FBXL7: variants seen among roughly 807,000 people sequenced by gnomAD.
FBXL7 encodes F-box and leucine rich repeat protein 7.
A neutral mutation model predicts 38.3 loss-of-function variants in FBXL7; 12 were observed. That is an observed-to-expected ratio of 0.31 (90% confidence interval 0.20 to 0.51). The LOEUF is 0.51. Ranked by LOEUF, FBXL7 falls within the 20% of genes least tolerant of loss-of-function variation. FBXL7 has a pLI of 0.98. For missense variants in FBXL7, 567 were observed against 676.4 expected (o/e 0.84, Z 1.79); for synonymous variants, 297 against 300.9 (o/e 0.99, Z 0.13).
chr5:15,522,475 T>C (rs1296733309), intron 1 of FBXL7, among the ~76,000 whole-genome samples: 1 of 152,180 alleles, frequency 6.6e-6, no homozygotes, highest in Non-Finnish European at 1.5e-5. Flanking sequence ...TTGTAGTGTT[T>C]TAAAATGCAA....
At chr5:15,692,816 G>T (rs1186351377) in intron 2 of FBXL7, among the ~76,000 whole-genome samples, 1 of 152,180 alleles carries the variant, frequency 6.6e-6, no homozygotes, top group Non-Finnish European at 1.5e-5. Context: ...AAGCAAGTGA[G>T]GCTGAAAACA....
chr5:15,536,504 G>A (rs1737589223), intron 1 of FBXL7, among the ~76,000 whole-genome samples: 3 of 152,194 alleles, frequency 2.0e-5, no homozygotes. Flanking sequence ...GAGACATGGA[G>A]TCAAAGGAGA....
chr5:15,894,970 A>G (rs1476634860), intron 2 of FBXL7, among the ~76,000 whole-genome samples: 1 of 152,218 alleles, frequency 6.6e-6, no homozygotes, highest in African/African-American at 2.4e-5. Context: ...AATGGTTTTA[A>G]GAATTTGGGT....
chr5:15,870,506 T>A (rs1221797128), intron 2 of FBXL7, among the ~76,000 whole-genome samples: 1 of 151,998 alleles, frequency 6.6e-6, no homozygotes, highest in Non-Finnish European at 1.5e-5. Flanking sequence ...AGGAAAAGAT[T>A]AAGGGTTTTT....
At chr5:15,734,019 A>G (rs1735681411) in intron 2 of FBXL7, among the ~76,000 whole-genome samples, 1 of 151,824 alleles carries the variant, frequency 6.6e-6, no homozygotes, top group Non-Finnish European at 1.5e-5. Context: ...GGGCAGGAGA[A>G]TCTCTTGAAC....
chr5:15,659,620 CCT>C (rs1741995028), intron 2 of FBXL7, among the ~76,000 whole-genome samples: 1 of 152,072 alleles, frequency 6.6e-6, no homozygotes, highest in Non-Finnish European at 1.5e-5. Flanking sequence ...TTATCACAGC[CCT>C]CTCTGGAATA....
intron 1 of FBXL7, among the ~76,000 whole-genome samples, chr5:15,578,411 C>T (rs1335948713): frequency 6.6e-6 from 1 of 152,082 alleles, no homozygotes; most frequent in Non-Finnish European, 1.5e-5. Flanking sequence ...TATCATGGCA[C>T]CAAACAGCAA....
intron 2 of FBXL7, among the ~76,000 whole-genome samples, chr5:15,768,702 G>T (rs1443879892): frequency 6.6e-6 from 1 of 152,242 alleles, no homozygotes; most frequent in South Asian, 2.1e-4. Flanking sequence ...CACAGAGCGT[G>T]GTCCACTCAT....
chr5:15,574,877 A>T (rs1001118941), intron 1 of FBXL7, among the ~76,000 whole-genome samples: 4 of 152,222 alleles, frequency 2.6e-5, no homozygotes, highest in African/African-American at 9.6e-5. Context: ...TGGAAGCAGG[A>T]TGGGTCCTCA....
intron 2 of FBXL7, among the ~76,000 whole-genome samples, chr5:15,814,439 TA>T (rs1268040662): frequency 6.6e-6 from 1 of 151,870 alleles, no homozygotes; most frequent in East Asian, 1.9e-4. Context: ...GTTGGAGGAC[TA>T]GGGGAGGGAT....
At chr5:15,573,697 G>A (rs962139357) in intron 1 of FBXL7, among the ~76,000 whole-genome samples, 4 of 152,254 alleles carry the variant, frequency 2.6e-5, no homozygotes, top group Admixed American at 2.0e-4. Context: ...GGAATGCTCG[G>A]GTCACTTAAT....
chr5:15,542,205 A>G (rs1737772470), intron 1 of FBXL7, among the ~76,000 whole-genome samples: 1 of 152,052 alleles, frequency 6.6e-6, no homozygotes. Context: ...TTTAAATACC[A>G]ATTCATTTAA....
At chr5:15,716,049 A>T (rs1354129332) in intron 2 of FBXL7, among the ~76,000 whole-genome samples, 1 of 152,234 alleles carries the variant, frequency 6.6e-6, no homozygotes. Flanking sequence ...AAGCTGTGTC[A>T]GTGTTTTTAA....
intron 2 of FBXL7, among the ~76,000 whole-genome samples, chr5:15,659,169 T>A (rs530531251): frequency 6.6e-6 from 1 of 152,170 alleles, no homozygotes; most frequent in South Asian, 2.1e-4. Context: ...TTATAAAAAG[T>A]TAAATGGCAA....
chr5:15,778,058 G>A (rs1449153684), intron 2 of FBXL7, among the ~76,000 whole-genome samples: 3 of 152,002 alleles, frequency 2.0e-5, no homozygotes, highest in Non-Finnish European at 4.4e-5. Context: ...ATTCATAAGA[G>A]CTATCAACAA....
intron 2 of FBXL7, among the ~76,000 whole-genome samples, chr5:15,638,777 G>T (rs572543585): frequency 2.4e-4 from 37 of 152,272 alleles, no homozygotes; most frequent in Non-Finnish European, 3.7e-4. Context: ...GTGGTTTCCA[G>T]AAATGAGTAT....
At chr5:15,667,577 G>C (rs1742326258) in intron 2 of FBXL7, among the ~76,000 whole-genome samples, 1 of 152,104 alleles carries the variant, frequency 6.6e-6, no homozygotes, top group Non-Finnish European at 1.5e-5. Flanking sequence ...TAAGAAAGTT[G>C]GTGGGCCAGT....
intron 2 of FBXL7, among the ~76,000 whole-genome samples, chr5:15,757,996 G>A (rs1452801181): frequency 5.3e-5 from 8 of 151,824 alleles, no homozygotes; most frequent in Admixed American, 4.6e-4. Flanking sequence ...GTCTTGGCAC[G>A]CGTTCACGGT....
At chr5:15,894,766 A>G (rs958410087) in intron 2 of FBXL7, among the ~76,000 whole-genome samples, 7 of 152,248 alleles carry the variant, frequency 4.6e-5, no homozygotes, top group Non-Finnish European at 5.9e-5. Flanking sequence ...AGGTCAATTC[A>G]TAGAAGAAAA....
Sources: allele counts gnomAD v4.1 joint callset (sites outside exome capture counted in the v4.1 genomes callset), GRCh38; gene constraint gnomAD v4.1.1; transcripts MANE v1.5; gene names NCBI Gene and HGNC (gene_info 2026-07-23, HGNC 2026-07-21).